Variants in NTNG2 observed in about 807,000 individuals in gnomAD.
The protein encoded by NTNG2 is netrin-G2.
Under a neutral mutation model 47.6 loss-of-function variants are expected in NTNG2, and 15 were observed. The observed-to-expected ratio is 0.32, with a 90% confidence interval of 0.21 to 0.49. The LOEUF is 0.49. NTNG2 is among the 20% of genes least tolerant of loss of function. The pLI is 0.99. For missense variants in NTNG2, 578 were observed against 764.6 expected (o/e 0.76, Z 2.88); for synonymous variants, 307 against 324.6 (o/e 0.95, Z 0.58).
In NTNG2 at chr9:132,198,531, C is replaced by T. The variant is rs1430653423; in HGVS notation, c.779C>T (p.Ala260Val). The T allele has an allele frequency of 1.2e-6, 2 of 1,612,982 alleles. No homozygotes were observed. Among genetic ancestry groups the T allele is most frequent in the Non-Finnish European group, 8.5e-7 (1 of 1,180,006 alleles). ...CTGCGCATGCGGCTGCTGCGCCCGG[C>T]GCTGGGCGGCACCTATGTGCAGCGG... ...TDLRMRLLRP[A>V]LGGTYVQREN... Residue 260 changes from alanine (A) to valine (V), a missense_variant, in exon 3 of 8, where the codon GCG (alanine) becomes GTG (valine). Transcript: ENST00000393229.
chr9:132,186,909 C>A (rs949469475), intron 2 of NTNG2, among the ~76,000 whole-genome samples: 1 of 152,256 alleles, frequency 6.6e-6, no homozygotes. Context: ...AAGGCCCCTG[C>A]TCTCCCAGAG....
chr9:132,164,617 C>A (rs1249509168), intron 1 of NTNG2, among the ~76,000 whole-genome samples: 3 of 152,248 alleles, frequency 2.0e-5, no homozygotes, highest in Admixed American at 2.0e-4. Context: ...TACATTTTCT[C>A]AGGTTGCAAA....
At chr9:132,185,645 G>T (rs541679464) in intron 2 of NTNG2, among the ~76,000 whole-genome samples, 1 of 151,652 alleles carries the variant, frequency 6.6e-6, no homozygotes, top group Non-Finnish European at 1.5e-5. Context: ...CCTTTCCCCC[G>T]CCCGCCCCCT....
intron 2 of NTNG2, among the ~76,000 whole-genome samples, chr9:132,186,827 G>T (rs76970852): frequency 6.6e-6 from 1 of 152,226 alleles, no homozygotes; most frequent in Admixed American, 6.5e-5. Flanking sequence ...GAGGGTCCTC[G>T]CTCAGTTAGG....
chr9:132,186,750 C>T (rs775875620), intron 2 of NTNG2, among the ~76,000 whole-genome samples: 7 of 152,210 alleles, frequency 4.6e-5, no homozygotes, highest in Admixed American at 3.3e-4. Flanking sequence ...GAGCGAAGCC[C>T]GCGGATGCCC....
intron 2 of NTNG2, among the ~76,000 whole-genome samples, chr9:132,173,661 C>T (rs1402534490): frequency 1.3e-5 from 2 of 152,182 alleles, no homozygotes; most frequent in African/African-American, 4.8e-5. Flanking sequence ...GACGAACGGA[C>T]AGACAGGCAG....
rs145749208 is a variant in NTNG2, at chr9:132,218,685, C to T, written c.858-8164C>T. 7.7e-3 allele frequency among the ~76,000 whole-genome samples: 1,165 copies of T among 152,044 alleles called. 18 individuals are homozygous for T. Among genetic ancestry groups the T allele is most frequent in the African/African-American group, 0.027 (1,106 of 41,478 alleles). Reference sequence around the variant, plus strand: ...CTAATTTTTGTATTTTTAGTAGAGACGGGATTTCACCATGTTGGCCAGGCT... The same window carrying T: ...CTAATTTTTGTATTTTTAGTAGAGATGGGATTTCACCATGTTGGCCAGGCT... On this transcript the variant is annotated intron_variant, in intron 3 of 7. Transcript: ENST00000393229. The surrounding 1 kb of genome is among the most constrained non-coding windows in gnomAD (Gnocchi z 5.4).
chr9:132,236,479 G>C lies in NTNG2; in HGVS notation c.1055-2625G>C, dbSNP rs1841634438. 6.6e-6 allele frequency among the ~76,000 whole-genome samples: 1 copy of C among 152,230 alleles called. No individual in the cohort carries two copies. Among genetic ancestry groups the C allele is most frequent in the Non-Finnish European group, 1.5e-5 (1 of 68,030 alleles). ...GGGGAATTAGGGCCTGAGGTCTAGGGAACAGGTGAGCTGTTCCTTCCAGCT... is the reference window on the plus strand; with the variant it reads ...GGGGAATTAGGGCCTGAGGTCTAGGCAACAGGTGAGCTGTTCCTTCCAGCT... On this transcript the variant is annotated intron_variant, in intron 5 of 7. Coordinates refer to ENST00000393229, the MANE Select transcript of NTNG2 (RefSeq NM_032536.4). The surrounding 1 kb of genome is among the most constrained non-coding windows in gnomAD (Gnocchi z 4.3).
Position 132,166,907 on chromosome 9 carries a change from G to A in NTNG2, c.76G>A (p.Val26Met). Residue 26 changes from valine to methionine, a missense_variant, in exon 2 of 8, where the codon GTG becomes ATG. By Grantham distance (21) the Val-to-Met change is conservative (BLOSUM62 1). Coordinates refer to ENST00000393229, the MANE Select transcript of NTNG2 (RefSeq NM_032536.4). ...GGACTATGACATCTGCAAATCCTGG[G>A]TGACCACAGATGAGGGCCCCACCTG... ...SGDYDICKSW[V>M]TTDEGPTWEF... The A allele has an allele frequency of 6.2e-7, 1 of 1,614,228 alleles. No individual in the cohort carries two copies. The highest frequency in any genetic ancestry group is 2.2e-5 in the East Asian group (1 of 44,888).
At chr9:132,220,530 C>T (rs954152962) in intron 3 of NTNG2, among the ~76,000 whole-genome samples, 1 of 150,756 alleles carries the variant, frequency 6.6e-6, no homozygotes, top group Non-Finnish European at 1.5e-5. Context: ...CAGCTCACTG[C>T]AACCTCTGCC....
chr9:132,167,006 A>T lies in NTNG2; in HGVS notation c.175A>T (p.Ile59Phe). 3 of 1,614,238 alleles carry T rather than the reference A, an allele frequency of 1.9e-6. No individual in the cohort carries two copies. Among genetic ancestry groups the T allele is most frequent in the Non-Finnish European group, 2.5e-6 (3 of 1,180,044 alleles). Reference sequence around the variant, plus strand: ...CAAGGTGAAGGTGGAGCCCTCAGGCATCACATGTGGAGACCCCCCTGAGAG... The same window carrying T: ...CAAGGTGAAGGTGGAGCCCTCAGGCTTCACATGTGGAGACCCCCCTGAGAG... ...YVKVKVEPSGITCGDPPERFC... is the reference protein window; with the variant it reads ...YVKVKVEPSGFTCGDPPERFC... Residue 59 changes from isoleucine (I) to phenylalanine (F), a missense_variant, in exon 2 of 8, where the codon ATC (isoleucine) becomes TTC (phenylalanine). By Grantham distance (21) the Ile-to-Phe change is conservative. Coordinates refer to ENST00000393229, the MANE Select transcript of NTNG2 (RefSeq NM_032536.4).
chr9:132,191,809 T>C (rs1837915353), intron 2 of NTNG2, among the ~76,000 whole-genome samples: 1 of 152,090 alleles, frequency 6.6e-6, no homozygotes, highest in Non-Finnish European at 1.5e-5. Context: ...CCTTACCTCA[T>C]ATCCACCCGC....
intron 3 of NTNG2, among the ~76,000 whole-genome samples, chr9:132,219,571 T>C (rs1320124098): frequency 1.4e-5 from 1 of 70,428 alleles, no homozygotes; most frequent in African/African-American, 1.1e-4. Flanking sequence ...AGACTCTGTC[T>C]CAAAAAAAAA....
Position 132,197,903 on chromosome 9 carries a change from A to T in NTNG2, c.214-63A>T. The stretch of plus-strand genomic sequence containing the variant: ...CGCAGGCAGGGGCTAGGCCGCGCAG[A>T]GGCTTCCCAGGCCATCCCGAGCATC... On this transcript the variant is annotated intron_variant, in intron 2 of 7. Transcript: ENST00000393229. The surrounding 1 kb of genome is among the most constrained non-coding windows in gnomAD (Gnocchi z 4.3). 5.3e-6 allele frequency: 8 copies of T among 1,514,690 alleles called. No individual in the cohort carries two copies. In the South Asian group the frequency reaches 1.0e-4, roughly 19 times the overall value. The allele number at this position is 1,514,690 out of a possible 1,614,324, so 93.8% of individuals were successfully genotyped here. A position where few individuals can be genotyped will look rare whatever the true frequency, so the allele number is the denominator to read the frequency against.
At chr9:132,207,737 C>T (rs147524457) in intron 3 of NTNG2, among the ~76,000 whole-genome samples, 107 of 152,294 alleles carry the variant, frequency 7.0e-4, no homozygotes, top group Middle Eastern at 3.4e-3. Flanking sequence ...GAGGGGCTGA[C>T]GCTCCCGTAG....
At position 132,163,588 on chromosome 9, in the gene NTNG2, C is replaced by A. The variant is rs1269124689; in HGVS notation, c.-484+1349C>A. On this transcript the variant is annotated intron_variant, in intron 1 of 7. Coordinates refer to ENST00000393229, the MANE Select transcript of NTNG2 (RefSeq NM_032536.4). This position sits in a 1 kb window ranked among gnomAD's most constrained non-coding sequence, Gnocchi z 7.2. ...GCAGATTTCACCCCCCTCTGCCGCC[C>A]CTGCCGAGGAGGGAGAGGGAACCCC... is the stretch of plus-strand genomic sequence containing the variant. Among the ~76,000 whole-genome samples, 1 of 152,152 alleles carries A rather than the reference C, an allele frequency of 6.6e-6. No homozygotes were observed. Among genetic ancestry groups the A allele is most frequent in the Non-Finnish European group, 1.5e-5 (1 of 67,998 alleles).
At chr9:132,179,181 C>T (rs533981941) in intron 2 of NTNG2, among the ~76,000 whole-genome samples, 3 of 152,176 alleles carry the variant, frequency 2.0e-5, no homozygotes, top group South Asian at 2.1e-4. Context: ...TCCATCTACA[C>T]GTGCCCTGGA....
chr9:132,213,192 C>T (rs1564423310), intron 3 of NTNG2, among the ~76,000 whole-genome samples: 1 of 152,038 alleles, frequency 6.6e-6, no homozygotes, highest in Non-Finnish European at 1.5e-5. Context: ...CATAGTGGTG[C>T]ATGCCTATAA....
intron 3 of NTNG2, among the ~76,000 whole-genome samples, chr9:132,216,512 A>G (rs1331626): frequency 0.61 from 91,390 of 148,926 alleles, 30,518 homozygotes; most frequent in African/African-American, 0.9. Flanking sequence ...CTAAAGCCGT[A>G]GGATTCTGCA....
Sources: gnomAD v4.1 joint callset for allele counts (sites outside exome capture counted in the v4.1 genomes callset) on GRCh38, gnomAD v4.1.1 for gene constraint, Gnocchi (gnomAD v3.1) non-coding constraint, MANE v1.5 for transcripts, NCBI Gene and HGNC (gene_info 2026-07-23, HGNC 2026-07-21) for gene names.